PKNOX1: variants seen among roughly 807,000 people sequenced by gnomAD.
The protein encoded by PKNOX1 is PBX/knotted 1 homeobox 1, also known as homeobox protein PKNOX1.
In PKNOX1, 15 loss-of-function variants were observed where a neutral mutation model predicts 51.9. The ratio of observed to expected loss-of-function variants is 0.29; its 90% CI spans 0.19 to 0.45. The LOEUF (loss-of-function observed/expected upper bound fraction) is 0.45, where lower values mean the gene tolerates loss of function less well. Among genes scored for constraint, PKNOX1 ranks in the 20% least tolerant of loss-of-function variants. The pLI is 1.00. For missense variants in PKNOX1, 462 were observed against 547.5 expected (o/e 0.84, Z 1.56); for synonymous variants, 219 against 211.1 (o/e 1.04, Z -0.32).
chr21:43,023,816 G>A (rs576507819), intron 8 of PKNOX1, among the ~76,000 whole-genome samples: 12 of 151,912 alleles, frequency 7.9e-5, no homozygotes, highest in Non-Finnish European at 1.2e-4. Flanking sequence ...AGGTTTCACC[G>A]TGTTAGCCAG....
In PKNOX1 at chr21:43,018,161, C is replaced by T. The variant is rs753579964; in HGVS notation, c.651C>T (p.Val217=). 1.6e-5 allele frequency: 25 copies of T among 1,612,322 alleles called. No individual in the cohort carries two copies. The highest frequency in any genetic ancestry group is 8.3e-5 in the Admixed American group (5 of 59,932). ...GCACAGTGTATCAGCCTGTCACGGT[C>T]GTCACTCCCCAAGGCCAAGTGGTCA... is the stretch of plus-strand genomic sequence containing the variant. The part of the protein sequence containing the change: ...AGGTVYQPVT[V]VTPQGQVVTQ... The change falls in exon 7 of 11, where the codon GTC becomes GTT. Residue 217 remains valine (V), a synonymous_variant. Coordinates refer to ENST00000291547, the MANE Select transcript of PKNOX1 (RefSeq NM_004571.5).
At position 43,032,401 on chromosome 21, in the gene PKNOX1, G is replaced by A. The variant is rs1338947381; in HGVS notation, c.*2300G>A. 1 of 291,302 alleles carries A rather than the reference G, an allele frequency of 3.4e-6. No homozygotes were observed. Among genetic ancestry groups the A allele is most frequent in the East Asian group, 8.6e-5 (1 of 11,628 alleles). The allele number at this position is 291,302 out of a possible 1,614,324, so 18.0% of individuals were successfully genotyped here. On this transcript the variant is annotated 3_prime_UTR_variant, in exon 11 of 11. Transcript: ENST00000291547. Reference sequence around the variant, plus strand: ...TCACAGAATGTAGACTCATGTATAGGTCACCGTTTCTTTCCCCCACTAGAA... The same window carrying A: ...TCACAGAATGTAGACTCATGTATAGATCACCGTTTCTTTCCCCCACTAGAA...
Position 43,029,904 on chromosome 21 carries a change from A to G in PKNOX1, c.1114A>G (p.Ile372Val). The change falls in exon 11 of 11, where the codon ATC becomes GTC. Residue 372 changes from isoleucine to valine, a missense_variant. By Grantham distance (29) the Ile-to-Val change is conservative. Around this residue, in one of 5 missense-constraint regions of PKNOX1, gnomAD observed 118 missense variants for 116.8 expected, o/e 1.01. Coordinates refer to ENST00000291547, the MANE Select transcript of PKNOX1 (RefSeq NM_004571.5). The stretch of plus-strand genomic sequence containing the variant: ...TCCTGCCGCAGGAGCTGTTGTCACC[A>G]TCACCACGCCCGTGAACATGAACGT... ...LTMSEGAVVT[I>V]TTPVNMNVDS... 4 of 1,613,686 alleles carry G rather than the reference A, an allele frequency of 2.5e-6. No homozygotes were observed. Among genetic ancestry groups the G allele is most frequent in the Non-Finnish European group, 3.4e-6 (4 of 1,179,668 alleles).
At chr21:42,989,987 T>C (rs1051238060) in intron 1 of PKNOX1, among the ~76,000 whole-genome samples, 1 of 152,094 alleles carries the variant, frequency 6.6e-6, no homozygotes, top group Admixed American at 6.6e-5. Flanking sequence ...TGGTTCCAGC[T>C]ACTCCGGGGC....
At position 42,990,898 on chromosome 21, in the gene PKNOX1, T is replaced by TC. The variant is rs149506820; in HGVS notation, c.-56-13422dup. Among the ~76,000 whole-genome samples, 24 of 152,112 alleles carry TC rather than the reference T, an allele frequency of 1.6e-4. No homozygotes were observed. The East Asian group carries it at 4.3e-3, about 27-fold the overall frequency. ...CTTCTTTGGAGGTCAGCATGTTTCCTCCCCCCGTAGATACGGAGGGCACTT... is the reference window on the plus strand; with the variant it reads ...CTTCTTTGGAGGTCAGCATGTTTCCTCCCCCCCGTAGATACGGAGGGCACTT... On this transcript the variant is annotated intron_variant, in intron 1 of 10. Transcript: ENST00000291547.
chr21:43,024,577 T>C (rs1445040349), intron 8 of PKNOX1: 1 of 342,406 alleles, frequency 2.9e-6, no homozygotes, highest in Non-Finnish European at 5.3e-6. Flanking sequence ...GACTCACCGC[T>C]GGACTGCATA....
At chr21:43,018,284 GC>G in intron 7 of PKNOX1, 54 bp downstream of exon 7, 3 of 1,119,108 alleles carry the variant, frequency 2.7e-6, no homozygotes, top group Non-Finnish European at 4.1e-6. Flanking sequence ...CCACATAGGG[GC>G]ACAGGTAGAA....
chr21:43,025,524 G>A (rs1018201074), intron 9 of PKNOX1, among the ~76,000 whole-genome samples: 2 of 152,166 alleles, frequency 1.3e-5, no homozygotes, highest in Non-Finnish European at 2.9e-5. Flanking sequence ...TTCATAAAAC[G>A]TCCCCTTCTA....
chr21:43,015,644 G>C (rs2146279009), intron 5 of PKNOX1, among the ~76,000 whole-genome samples: 2 of 152,252 alleles, frequency 1.3e-5, no homozygotes, highest in South Asian at 4.1e-4. Context: ...AGATTATGTA[G>C]ACTTGGTGTT....
At chr21:42,986,016 A>AT (rs1273520547) in intron 1 of PKNOX1, among the ~76,000 whole-genome samples, 25 of 122,574 alleles carry the variant, frequency 2.0e-4, no homozygotes, top group East Asian at 7.1e-4. Context: ...AAAAAAAAAA[A>AT]ATTAAAAAAA....
At chr21:43,010,288 T>A in intron 4 of PKNOX1, 64 bp downstream of exon 4, 1 of 960,390 alleles carries the variant, frequency 1.0e-6, no homozygotes, top group Non-Finnish European at 1.5e-6. Flanking sequence ...AATTTTAGGC[T>A]TCTAAGTAGA....
chr21:42,990,409 CTGTTT>C (rs1457760440), intron 1 of PKNOX1, among the ~76,000 whole-genome samples: 1 of 152,152 alleles, frequency 6.6e-6, no homozygotes, highest in Non-Finnish European at 1.5e-5. Flanking sequence ...AGGCTCAGAA[CTGTTT>C]GTAGAGTATA....
rs111320868 is a variant in PKNOX1 at position 43,032,109 on chromosome 21, C to G, written c.*2008C>G. On this transcript the variant is annotated 3_prime_UTR_variant, in exon 11 of 11. Transcript: ENST00000291547. The stretch of plus-strand genomic sequence containing the variant: ...TCCCGACCTCAGGTGATCTGCCTGC[C>G]TCAGCCTCCCAAAGTGCTGGGATTA... 1.1e-5 allele frequency: 5 copies of G among 453,034 alleles called. No homozygotes were observed. The highest frequency in any genetic ancestry group is 2.2e-5 in the Non-Finnish European group (5 of 225,356). The allele number at this position is 453,034 out of a possible 1,614,324, so 28.1% of individuals were successfully genotyped here.
At chr21:43,022,388 C>A (rs1295609872) in intron 8 of PKNOX1, among the ~76,000 whole-genome samples, 1 of 152,230 alleles carries the variant, frequency 6.6e-6, no homozygotes, top group Admixed American at 6.5e-5. Context: ...GCCCACTTTC[C>A]TCTGGCTGCC....
Position 43,032,138 on chromosome 21 carries a change from G to A in PKNOX1, c.*2037G>A, listed in dbSNP as rs892301053. 6.6e-6 allele frequency: 3 copies of A among 456,066 alleles called. No individual in the cohort carries two copies. Among genetic ancestry groups the A allele is most frequent in the African/African-American group, 2.0e-5 (1 of 50,150 alleles). 28.3% of individuals were successfully genotyped at this position (456,066 alleles called of 1,614,324 possible). On this transcript the variant is annotated 3_prime_UTR_variant, in exon 11 of 11. Transcript: ENST00000291547. ...GCCTCCCAAAGTGCTGGGATTACAG[G>A]TGTGAGCCACCGCGCCCGGCCGAGA...
intron 1 of PKNOX1, among the ~76,000 whole-genome samples, chr21:42,989,066 A>G (rs1317422840): frequency 6.6e-6 from 1 of 151,796 alleles, no homozygotes; most frequent in African/African-American, 2.4e-5. Flanking sequence ...TCTTTGTAGA[A>G]TCTCCCTCAT....
chr21:42,978,486 CT>C (rs200084508), intron 1 of PKNOX1, among the ~76,000 whole-genome samples: 10,855 of 124,628 alleles, frequency 0.087, 410 homozygotes, highest in East Asian at 0.21. Flanking sequence ...CTTTTCTTTT[CT>C]TTTTTTTTTT....
At chr21:43,011,564 G>T (rs1979252229) in intron 4 of PKNOX1, among the ~76,000 whole-genome samples, 1 of 152,162 alleles carries the variant, frequency 6.6e-6, no homozygotes, top group African/African-American at 2.4e-5. Context: ...CACTCTCTGG[G>T]TGTGCTCTCC....
intron 1 of PKNOX1, among the ~76,000 whole-genome samples, chr21:42,979,018 G>C (rs1005064315): frequency 1.3e-5 from 2 of 152,198 alleles, no homozygotes; most frequent in African/African-American, 4.8e-5. Flanking sequence ...TCCCACCTCA[G>C]CCCCCTGAGT....
Sources: gnomAD v4.1 joint callset for allele counts (sites outside exome capture counted in the v4.1 genomes callset) on GRCh38, gnomAD v4.1.1 for gene constraint, gnomAD v4.1.1 regional missense constraint, MANE v1.5 for transcripts, NCBI Gene and HGNC (gene_info 2026-07-23, HGNC 2026-07-21) for gene names.